Variants in ANO4 observed in about 807,000 individuals in gnomAD.
The protein encoded by ANO4 is anoctamin-4.
Under a neutral mutation model 141.9 loss-of-function variants are expected in ANO4, and 69 were observed. The ratio of observed to expected loss-of-function variants is 0.49; its 90% CI spans 0.40 to 0.59. The LOEUF (loss-of-function observed/expected upper bound fraction) is 0.59. Among genes scored for constraint, ANO4 ranks in the 20% least tolerant of loss-of-function variants. The pLI, the probability that ANO4 is intolerant of heterozygous loss-of-function variation, is 0.00. For missense variants in ANO4, 894 were observed against 1,162.2 expected (o/e 0.77, Z 3.36); for synonymous variants, 350 against 394.3 (o/e 0.89, Z 1.33).
At chr12:100,971,198 C>G in intron 5 of ANO4, 108 bp from the exon 6 acceptor site, 1 of 668,692 alleles carries the variant, frequency 1.5e-6, no homozygotes, top group Non-Finnish European at 2.5e-6. Context: ...TGAGGAATGC[C>G]CCAAATCATA....
intron 3 of ANO4, among the ~76,000 whole-genome samples, chr12:100,778,206 A>G (rs7967724): frequency 0.077 from 11,750 of 152,192 alleles, 708 homozygotes; most frequent in East Asian, 0.25. Context: ...GGTGTAAGCC[A>G]CTGCACCCGG....
chr12:101,031,692 C>T (rs2046983269), intron 9 of ANO4, among the ~76,000 whole-genome samples: 1 of 152,164 alleles, frequency 6.6e-6, no homozygotes, highest in Non-Finnish European at 1.5e-5. Context: ...TCCATGATCT[C>T]AGCCAAAAAT....
intron 1 of ANO4, among the ~76,000 whole-genome samples, chr12:100,824,906 CTTAA>C (rs756073642): frequency 1.3e-5 from 2 of 151,942 alleles, no homozygotes; most frequent in Non-Finnish European, 2.9e-5. Flanking sequence ...TATTTTTTAA[CTTAA>C]TTGATATCTG....
At chr12:100,725,651 T>G (rs1157814723) in intron 1 of ANO4, among the ~76,000 whole-genome samples, 1 of 152,162 alleles carries the variant, frequency 6.6e-6, no homozygotes, top group Non-Finnish European at 1.5e-5. Flanking sequence ...CGGCCGGAAA[T>G]TGCTATCTTA....
At chr12:100,753,617 G>A (rs1377003640) in intron 3 of ANO4, among the ~76,000 whole-genome samples, 1 of 152,112 alleles carries the variant, frequency 6.6e-6, no homozygotes, top group Non-Finnish European at 1.5e-5. Context: ...CTGCACCCTA[G>A]CTACAGGCAA....
rs141039137 is a variant in ANO4 at position 100,998,222 on chromosome 12, A to G, written c.734+10552A>G. Among the ~76,000 whole-genome samples, 9 of 152,322 alleles carry G rather than the reference A, an allele frequency of 5.9e-5. No individual in the cohort carries two copies. The East Asian group carries it at 1.5e-3, about 26-fold the overall frequency. ...CGAGACTGGCCTAGTCTCCTAGCCT[A>G]CATCTCCCTCCCGTGCTGGATGCTT... On this transcript the variant is annotated intron_variant, in intron 8 of 27. Transcript: ENST00000392977.
intron 14 of ANO4, among the ~76,000 whole-genome samples, chr12:101,062,581 C>T (rs2048396791): frequency 5.3e-5 from 8 of 152,226 alleles, no homozygotes; most frequent in Admixed American, 5.2e-4. Flanking sequence ...GGATGCCCTG[C>T]CCAGGGAGGA....
chr12:100,749,774 A>G (rs1205109748), intron 3 of ANO4, among the ~76,000 whole-genome samples: 1 of 152,242 alleles, frequency 6.6e-6, no homozygotes, highest in Non-Finnish European at 1.5e-5. Context: ...AGATGCTCCA[A>G]TAAAGTCATC....
chr12:100,806,508 GTTTT>G (rs780546149), intron 1 of ANO4, among the ~76,000 whole-genome samples: 1 of 79,362 alleles, frequency 1.3e-5, no homozygotes, highest in Non-Finnish European at 2.8e-5. Flanking sequence ...TTTTTAGGAG[GTTTT>G]TTTTTTGTTT....
chr12:100,779,044 G>A (rs2033628884), intron 3 of ANO4, among the ~76,000 whole-genome samples: 2 of 145,932 alleles, frequency 1.4e-5, no homozygotes. Flanking sequence ...CTACTACTAT[G>A]ACCAAAAGAA....
chr12:100,755,309 G>A (rs2032559357), intron 3 of ANO4, among the ~76,000 whole-genome samples: 1 of 152,098 alleles, frequency 6.6e-6, no homozygotes, highest in African/African-American at 2.4e-5. Context: ...GAAATCCAAA[G>A]TCTGGTTCAG....
intron 17 of ANO4, among the ~76,000 whole-genome samples, chr12:101,087,299 C>T (rs186078115): frequency 2.4e-4 from 36 of 151,532 alleles, no homozygotes; most frequent in African/African-American, 7.8e-4. Flanking sequence ...CAGAGGATCG[C>T]TTGAGCCCAG....
intron 10 of ANO4, chr12:101,038,338 T>G (rs1235822450): frequency 6.7e-6 from 1 of 150,340 alleles, no homozygotes. Context: ...GCATCCTCCC[T>G]GCTCTCAGCC....
At chr12:100,757,115 C>T (rs1020557263) in intron 3 of ANO4, among the ~76,000 whole-genome samples, 1 of 152,078 alleles carries the variant, frequency 6.6e-6, no homozygotes, top group Non-Finnish European at 1.5e-5. Flanking sequence ...CCAGAAGGGA[C>T]AGATAAAAAT....
intron 3 of ANO4, among the ~76,000 whole-genome samples, chr12:100,785,620 A>G (rs2033849158): frequency 6.6e-6 from 1 of 152,186 alleles, no homozygotes; most frequent in African/African-American, 2.4e-5. Flanking sequence ...GTCTGGATAT[A>G]CCACAGTTTT....
At chr12:101,029,687 G>C (rs1199534060) in intron 9 of ANO4, among the ~76,000 whole-genome samples, 1 of 151,980 alleles carries the variant, frequency 6.6e-6, no homozygotes, top group Non-Finnish European at 1.5e-5. Flanking sequence ...TGAGGTGGGT[G>C]GATCACGAGG....
intron 1 of ANO4, among the ~76,000 whole-genome samples, chr12:100,870,583 T>C (rs2038981243): frequency 6.6e-6 from 1 of 152,198 alleles, no homozygotes; most frequent in South Asian, 2.1e-4. Context: ...CACAGTATAA[T>C]TTATTTTAAT....
At chr12:100,894,106 G>A (rs528744816) in intron 1 of ANO4, among the ~76,000 whole-genome samples, 2 of 152,126 alleles carry the variant, frequency 1.3e-5, no homozygotes, top group Non-Finnish European at 2.9e-5. Context: ...CTCAGTTAAC[G>A]TGGCTTTAGA....
chr12:100,890,801 C>T (rs2040067079), intron 1 of ANO4, among the ~76,000 whole-genome samples: 1 of 152,168 alleles, frequency 6.6e-6, no homozygotes, highest in African/African-American at 2.4e-5. Flanking sequence ...CATCATCACC[C>T]AGAGTCCATA....
Sources: allele counts gnomAD v4.1 joint callset (sites outside exome capture counted in the v4.1 genomes callset), GRCh38; gene constraint gnomAD v4.1.1; transcripts MANE v1.5; gene names NCBI Gene and HGNC (gene_info 2026-07-23, HGNC 2026-07-21).